The following PRAG1 variants were observed in gnomAD, a reference collection of about 807,000 sequenced individuals.
PRAG1 encodes PEAK1 related, kinase-activating pseudokinase 1, also known as inactive tyrosine-protein kinase PRAG1.
PRAG1 carries 110 observed loss-of-function variants against 95.6 expected under a neutral mutation model. The observed-to-expected ratio is 1.15, with a 90% CI of 0.99 to 1.35. The LOEUF (loss-of-function observed/expected upper bound fraction) is 1.35. PRAG1 is among the 40% of genes most tolerant of loss of function. The pLI is 0.00. For missense variants in PRAG1, 2,554 were observed against 1,864.7 expected (o/e 1.37, Z -6.81); for synonymous variants, 1,052 against 819.4 (o/e 1.28, Z -4.85).
intron 5 of PRAG1, among the ~76,000 whole-genome samples, chr8:8,325,735 C>T (rs950677223): frequency 2.6e-5 from 4 of 151,820 alleles, no homozygotes; most frequent in Non-Finnish European, 5.9e-5. Context: ...ATGGGGAAAC[C>T]CCATCTCTGC....
intron 5 of PRAG1, among the ~76,000 whole-genome samples, chr8:8,325,873 A>G (rs1430587021): frequency 6.6e-6 from 1 of 151,784 alleles, no homozygotes; most frequent in Non-Finnish European, 1.5e-5. Context: ...AGATCACACC[A>G]CGTACTCCAG....
At chr8:8,341,034 C>G (rs1220206176) in intron 3 of PRAG1, among the ~76,000 whole-genome samples, 2 of 152,180 alleles carry the variant, frequency 1.3e-5, no homozygotes, top group Non-Finnish European at 2.9e-5. Context: ...AGATCTATCA[C>G]TAATAGTTTT....
intron 3 of PRAG1, among the ~76,000 whole-genome samples, chr8:8,365,598 T>C (rs1005705313): frequency 1.2e-4 from 18 of 151,834 alleles, no homozygotes; most frequent in African/African-American, 4.4e-4. Flanking sequence ...CACTCCAGCC[T>C]GGGCAACAAC....
intron 1 of PRAG1, among the ~76,000 whole-genome samples, chr8:8,385,850 G>C: frequency 6.6e-6 from 1 of 151,882 alleles, no homozygotes; most frequent in East Asian, 1.9e-4. Context: ...GTTGCCTCTG[G>C]AGCCCCGCTG....
Position 8,377,230 on chromosome 8 carries a change from C to A in PRAG1, c.1179G>T (p.Leu393=). Residue 393 remains leucine, a synonymous_variant, in exon 3 of 6, where the codon CTG becomes CTT. Transcript: ENST00000615670. ...PGVTPSRCLG[L]TGEPQPPAHP... ...GGGCCGGGGGCTGGGGCTCCCCCGT[C>A]AGCCCAAGGCATCTGCTAGGGGTCA... 3 of 1,612,562 alleles carry A rather than the reference C, an allele frequency of 1.9e-6. No homozygotes were observed. The highest frequency in any genetic ancestry group is 2.5e-6 in the Non-Finnish European group (3 of 1,179,870).
At chr8:8,319,867 C>T (rs989011796) in intron 5 of PRAG1, among the ~76,000 whole-genome samples, 1 of 152,168 alleles carries the variant, frequency 6.6e-6, no homozygotes, top group African/African-American at 2.4e-5. Context: ...ATTCATCAGG[C>T]AAGTGCAAAT....
chr8:8,327,801 A>G lies in PRAG1; in HGVS notation c.2981T>C (p.Leu994Pro). The change falls in exon 5 of 6, where the codon CTG becomes CCG. Residue 994 changes from leucine to proline, a missense_variant. Physicochemically the swap from Leu to Pro is moderately conservative, Grantham distance 98 (BLOSUM62 -3). Transcript: ENST00000615670. ...FNENNWSLFK[L>P]TCNKPCCDSG... The stretch of plus-strand genomic sequence containing the variant: ...GTCACAGCAGGGCTTGTTACAAGTC[A>G]GCTTGAAGAGCGACCAGTTATTCTC... 1 of 1,614,230 alleles carries G rather than the reference A, an allele frequency of 6.2e-7. No individual in the cohort carries two copies. Among genetic ancestry groups the G allele is most frequent in the Non-Finnish European group, 8.5e-7 (1 of 1,180,048 alleles).
intron 3 of PRAG1, among the ~76,000 whole-genome samples, chr8:8,357,735 T>G (rs1799725510): frequency 6.6e-6 from 1 of 152,212 alleles, no homozygotes; most frequent in Admixed American, 6.5e-5. Flanking sequence ...AGATATTTGC[T>G]TACCTGTGTT....
Position 8,376,555 on chromosome 8 carries a change from C to A in PRAG1, c.1854G>T (p.Ser618=), listed in dbSNP as rs367712636. The change falls in exon 3 of 6, where the codon TCG becomes TCT. Residue 618 remains serine (S), a synonymous_variant. Coordinates refer to ENST00000615670, the MANE Select transcript of PRAG1 (RefSeq NM_001080826.3). ...DPSRCPQPAA[S]SASEQRRPRF... ...TGGGCCGCCTCTGTTCCGAGGCTGACGAGGCGGCAGGCTGGGGACACCTGG... is the reference window on the plus strand; with the variant it reads ...TGGGCCGCCTCTGTTCCGAGGCTGAAGAGGCGGCAGGCTGGGGACACCTGG... The A allele has an allele frequency of 1.2e-6, 2 of 1,608,568 alleles. No individual in the cohort carries two copies. Among genetic ancestry groups the A allele is most frequent in the South Asian group, 2.2e-5 (2 of 90,646 alleles).
chr8:8,318,940 G>A lies in PRAG1; in HGVS notation c.3435C>T (p.Asp1145=), dbSNP rs1056460173. The A allele has an allele frequency of 1.9e-6, 3 of 1,612,392 alleles. No homozygotes were observed. The African/African-American group carries it at 4.0e-5, about 22-fold the overall frequency. Residue 1145 remains aspartate, a synonymous_variant, in exon 6 of 6, where the codon GAC becomes GAT. Transcript: ENST00000615670. This position sits in a 1 kb window ranked among gnomAD's most constrained non-coding sequence, Gnocchi z 4.2. ...CCAGCAGCAGGTTCTCCAGGCACAG[G>A]TCCCGGTGGATGATCCCGTGCTCCT... The part of the protein sequence containing the change: ...HLKEHGIIHR[D]LCLENLLLVH...
chr8:8,350,367 T>TCG (rs1799482304), intron 3 of PRAG1, among the ~76,000 whole-genome samples: 1 of 152,140 alleles, frequency 6.6e-6, no homozygotes, highest in Non-Finnish European at 1.5e-5. Flanking sequence ...CTTTCATCTC[T>TCG]AAAATGATCA....
In PRAG1 at chr8:8,377,496, G is replaced by C; in HGVS notation, c.913C>G (p.Pro305Ala). The C allele has an allele frequency of 6.4e-7, 1 of 1,553,850 alleles. No homozygotes were observed. The highest frequency in any genetic ancestry group is 8.7e-7 in the Non-Finnish European group (1 of 1,150,318). Residue 305 changes from proline to alanine, a missense_variant, in exon 3 of 6, where the codon CCG (proline) becomes GCG (alanine). Coordinates refer to ENST00000615670, the MANE Select transcript of PRAG1 (RefSeq NM_001080826.3). ...SGPAEQEKRG[P>A]SFPKECCSQG... ...CTACAGCACTCCTTGGGGAAGCTCGGGCCCCGCTTCTCCTGCTCTGCGGGC... is the reference window on the plus strand; with the variant it reads ...CTACAGCACTCCTTGGGGAAGCTCGCGCCCCGCTTCTCCTGCTCTGCGGGC...
rs371518652 is a variant in PRAG1 at position 8,318,778 on chromosome 8, G to C, written c.3597C>G (p.Ala1199=). Residue 1199 remains alanine, a synonymous_variant, in exon 6 of 6, where the codon GCC becomes GCG. Transcript: ENST00000615670. The surrounding 1 kb of genome is among the most constrained non-coding windows in gnomAD (Gnocchi z 4.2). The part of the protein sequence containing the change: ...GGTLSPAAGP[A]SPEGPREKQL... ...GCTTCTCCCGGGGCCCTTCCGGGGA[G>C]GCGGGGCCGGCTGCGGGGCTGAGAG... The C allele has an allele frequency of 1.9e-6, 3 of 1,547,118 alleles. No individual in the cohort carries two copies. In the African/African-American group the frequency reaches 4.1e-5, roughly 21 times the overall value.
chr8:8,326,545 G>A (rs1037096249), intron 5 of PRAG1, among the ~76,000 whole-genome samples: 1 of 152,140 alleles, frequency 6.6e-6, no homozygotes, highest in African/African-American at 2.4e-5. Flanking sequence ...GCCACAGGAA[G>A]GACTGGAGTT....
At chr8:8,351,607 C>G (rs776108918) in intron 3 of PRAG1, among the ~76,000 whole-genome samples, 1 of 152,244 alleles carries the variant, frequency 6.6e-6, no homozygotes, top group Non-Finnish European at 1.5e-5. Flanking sequence ...TGTCCATTGA[C>G]CAGACCTCAT....
chr8:8,346,164 A>G (rs544508313), intron 3 of PRAG1, among the ~76,000 whole-genome samples: 1 of 152,370 alleles, frequency 6.6e-6, no homozygotes, highest in African/African-American at 2.4e-5. Flanking sequence ...TTTTAAAGGC[A>G]CTTTTCCTTC....
At position 8,376,750 on chromosome 8, in the gene PRAG1, A is replaced by G; in HGVS notation, c.1659T>C (p.Pro553=). ...AIPPKLSKSS[P]VGSPVSPSAG... ...CAGACGGTGACACCGGGGACCCTAC[A>G]GGGCTACTCTTGGACAACTTGGGGG... Residue 553 remains proline, a synonymous_variant, in exon 3 of 6, where the codon CCT becomes CCC. Transcript: ENST00000615670. 1 of 1,610,134 alleles carries G rather than the reference A, an allele frequency of 6.2e-7. No individual in the cohort carries two copies. Among genetic ancestry groups the G allele is most frequent in the Non-Finnish European group, 8.5e-7 (1 of 1,179,966 alleles).
intron 3 of PRAG1, among the ~76,000 whole-genome samples, chr8:8,345,010 G>C (rs547834189): frequency 4.6e-5 from 7 of 151,066 alleles, no homozygotes; most frequent in Non-Finnish European, 1.0e-4. Context: ...GACAAAATTA[G>C]TCTATCCCTG....
rs373295839 is a variant in PRAG1, at chr8:8,362,911, G to T, written c.2162+13336C>A. On this transcript the variant is annotated intron_variant, in intron 3 of 5. Coordinates refer to ENST00000615670, the MANE Select transcript of PRAG1 (RefSeq NM_001080826.3). The stretch of plus-strand genomic sequence containing the variant: ...GCAGAACAAAGGAAAAGAGGAAGTC[G>T]CTTATGTAAAGGCTTATAGAAGCAA... Among the ~76,000 whole-genome samples the T allele has an allele frequency of 2.0e-5, 3 of 152,172 alleles. No individual in the cohort carries two copies. The East Asian group carries it at 5.8e-4, about 29-fold the overall frequency.
Sources: gnomAD v4.1 joint callset for allele counts (sites outside exome capture counted in the v4.1 genomes callset) on GRCh38, gnomAD v4.1.1 for gene constraint, Gnocchi (gnomAD v3.1) non-coding constraint, MANE v1.5 for transcripts, NCBI Gene and HGNC (gene_info 2026-07-23, HGNC 2026-07-21) for gene names.